Variants in ERAP1 observed in about 807,000 individuals in gnomAD.
ERAP1 encodes the protein adipocyte-derived leucine aminopeptidase.
Under a neutral mutation model 103.7 loss-of-function variants are expected in ERAP1, and 86 were observed. The observed-to-expected ratio is 0.83, with a 90% CI of 0.70 to 0.99. The LOEUF is 0.99. Ranked by LOEUF, ERAP1 falls within the 50% of genes least tolerant of loss-of-function variation. ERAP1 has a pLI of 0.00. For synonymous variants in ERAP1, 398 were observed against 402.4 expected, an observed-to-expected ratio of 0.99 and a Z score of 0.13; for missense variants, 1,009 against 1,128.4, an observed-to-expected ratio of 0.89 and a Z score of 1.52.
chr5:96,928,912 G>A, the ERAP1 span, among the ~76,000 whole-genome samples: 3 of 152,198 alleles, frequency 2.0e-5, no homozygotes, highest in Non-Finnish European at 4.4e-5. Flanking sequence ...TCAAGCATGT[G>A]CACTAAGAGG....
chr5:96,807,704 TTCCTCCCGCGCCCCGTCTCCC>T (rs1778803554), intron 1 of ERAP1, among the ~76,000 whole-genome samples, 135 bp downstream of exon 1: 5 of 147,928 alleles, frequency 3.4e-5, no homozygotes, highest in Non-Finnish European at 1.5e-5. Flanking sequence ...CCCCGTCGCC[TTCCTCCCGCGCCCCGTCTCCC>T]TCCTCCCGTG....
chr5:96,892,595 A>G, the ERAP1 span: 11 of 891,858 alleles, frequency 1.2e-5, no homozygotes, highest in Non-Finnish European at 1.7e-5. Context: ...ACACAACGTC[A>G]AGTAGCACAG....
At chr5:96,862,827 C>T in the ERAP1 span, among the ~76,000 whole-genome samples, 1 of 152,122 alleles carries the variant, frequency 6.6e-6, no homozygotes, top group Non-Finnish European at 1.5e-5. Context: ...TGTTACAAGA[C>T]TATCCCTGCA....
At chr5:96,868,298 C>G in the ERAP1 span, among the ~76,000 whole-genome samples, 3 of 152,080 alleles carry the variant, frequency 2.0e-5, no homozygotes, top group Non-Finnish European at 4.4e-5. Flanking sequence ...GAAACAGAGA[C>G]CTCACTAACA....
Position 96,795,126 on chromosome 5 carries a change from C to T in ERAP1, c.835G>A (p.Ala279Thr). The change falls in exon 5 of 19, where the codon GCA (alanine) becomes ACA (threonine). Residue 279 changes from alanine (A) to threonine (T), a missense_variant. Around this residue, in one of 3 missense-constraint regions of ERAP1, gnomAD observed 392 missense variants for 455.2 expected, o/e 0.86. Coordinates refer to ENST00000443439, the MANE Select transcript of ERAP1 (RefSeq NM_001040458.3). ...VYAVPDKINQ[A>T]DYALDAAVTL... ...ACCGCAGCATCCAGTGCATAATCTG[C>T]TTGATTTATCTTGTCTGGCACAGCA... The T allele has an allele frequency of 1.2e-6, 2 of 1,613,842 alleles. No individual in the cohort carries two copies. Among genetic ancestry groups the T allele is most frequent in the Non-Finnish European group, 1.7e-6 (2 of 1,179,968 alleles).
At chr5:96,790,970 G>A (rs1776670258) in intron 8 of ERAP1, among the ~76,000 whole-genome samples, 1 of 152,202 alleles carries the variant, frequency 6.6e-6, no homozygotes, top group African/African-American at 2.4e-5. Flanking sequence ...ATTAAACATT[G>A]GACCTTGAGC....
the ERAP1 span, among the ~76,000 whole-genome samples, chr5:96,815,225 C>A: frequency 1.3e-5 from 2 of 152,092 alleles, no homozygotes; most frequent in Non-Finnish European, 2.9e-5. Context: ...TTTTCCAGTC[C>A]TGGTGGTAGA....
At chr5:96,817,023 G>C in the ERAP1 span, among the ~76,000 whole-genome samples, 1 of 152,168 alleles carries the variant, frequency 6.6e-6, no homozygotes, top group East Asian at 1.9e-4. Context: ...GTATAGTAAG[G>C]AATTAATAAG....
chr5:96,762,127 CTT>C (rs1768179255), exon 20 of ERAP1: 1 of 454,642 alleles, frequency 2.2e-6, no homozygotes, highest in Non-Finnish European at 4.0e-6. Flanking sequence ...ATTTAAATTT[CTT>C]TTAAAATTAT....
chr5:96,783,842 CACACACACACACAT>C (rs375289319), intron 14 of ERAP1, 68 bp downstream of exon 14: 108,826 of 599,628 alleles, frequency 0.18, 8,828 homozygotes, highest in African/African-American at 0.32. Context: ...CACACACACA[CACACACACACACAT>C]ACACACACAA....
chr5:96,776,740 CTGTTT>C, intron 18 of ERAP1, 189 bp from the exon 19 acceptor site: 1 of 761,564 alleles, frequency 1.3e-6, no homozygotes, highest in East Asian at 2.8e-5. Flanking sequence ...ATGTCAAGTT[CTGTTT>C]TTTGTCTGCA....
At position 96,784,095 on chromosome 5, in the gene ERAP1, CTG is replaced by C; in HGVS notation, c.1944-17_1944-16del. ...GCTTCCCAATGCTGACCAAGAGACA[CTG>C]TGGTTAGTGGTTTAAAAGTAAATCC... is the stretch of plus-strand genomic sequence containing the variant. On this transcript the variant is annotated splice_polypyrimidine_tract_variant and intron_variant, in intron 13 of 18. Coordinates refer to ENST00000443439, the MANE Select transcript of ERAP1 (RefSeq NM_001040458.3). The C allele has an allele frequency of 6.2e-7, 1 of 1,613,912 alleles. No homozygotes were observed. Among genetic ancestry groups the C allele is most frequent in the East Asian group, 2.2e-5 (1 of 44,866 alleles).
At chr5:96,807,103 G>C (rs34750) in intron 1 of ERAP1, among the ~76,000 whole-genome samples, 95,745 of 151,996 alleles carry the variant, frequency 0.63, 30,948 homozygotes, top group Non-Finnish European at 0.72. Flanking sequence ...AAAAGCGTGA[G>C]GAAGTGTGTG....
the ERAP1 span, among the ~76,000 whole-genome samples, chr5:96,868,576 A>T: frequency 6.6e-6 from 1 of 152,208 alleles, no homozygotes; most frequent in African/African-American, 2.4e-5. Context: ...TTGAGCTGGG[A>T]TATAAAGAGG....
At chr5:96,859,712 C>T in the ERAP1 span, among the ~76,000 whole-genome samples, 1 of 152,124 alleles carries the variant, frequency 6.6e-6, no homozygotes, top group Non-Finnish European at 1.5e-5. Context: ...GGAGATTGTT[C>T]TGAGGATCAA....
chr5:96,803,785 GA>G lies in ERAP1; in HGVS notation c.141del (p.Pro48LeufsTer19), dbSNP rs1345315161. The part of the protein sequence containing the change: ...ASPKRSDGTP[F>X]PWNKIRLPEY... ...TCAGGAAGTCGTATTTTATTCCAAG[GA>G]AATGGTGTCCCATCACTACGTTTTG... On this transcript the variant is annotated frameshift_variant, in exon 2 of 19. Coordinates refer to ENST00000443439, the MANE Select transcript of ERAP1 (RefSeq NM_001040458.3). LOFTEE classifies it high-confidence loss of function. The G allele has an allele frequency of 1.9e-6, 3 of 1,614,156 alleles. No homozygotes were observed. The highest frequency in any genetic ancestry group is 2.5e-6 in the Non-Finnish European group (3 of 1,180,036).
intron 1 of ERAP1, among the ~76,000 whole-genome samples, 174 bp from the exon 2 acceptor site, chr5:96,804,117 AAAG>A (rs1282615895): frequency 6.6e-6 from 1 of 152,252 alleles, no homozygotes; most frequent in African/African-American, 2.4e-5. Context: ...TTCATATAAG[AAAG>A]ATGTTTACAG....
the ERAP1 span, among the ~76,000 whole-genome samples, chr5:96,914,887 A>G: frequency 2.0e-5 from 3 of 152,280 alleles, no homozygotes; most frequent in East Asian, 1.9e-4. Flanking sequence ...TTTAAATTTT[A>G]TATTGTTATA....
intron 19 of ERAP1, chr5:96,767,503 T>C: frequency 6.2e-7 from 1 of 1,604,616 alleles, no homozygotes; most frequent in Non-Finnish European, 8.5e-7. Context: ...TAGGAACATA[T>C]TTCCATTAAA....
Sources: allele counts gnomAD v4.1 joint callset (sites outside exome capture counted in the v4.1 genomes callset), GRCh38; gene constraint gnomAD v4.1.1; regional missense constraint gnomAD v4.1.1; transcripts MANE v1.5; gene names NCBI Gene and HGNC (gene_info 2026-07-23, HGNC 2026-07-21).